The following CRELD2 variants were observed in gnomAD, a reference collection of about 807,000 sequenced individuals.
The protein encoded by CRELD2 is protein disulfide isomerase CRELD2.
Under a neutral mutation model 48.1 loss-of-function variants are expected in CRELD2, and 33 were observed. The observed-to-expected ratio is 0.69, with a 90% CI of 0.52 to 0.92. The LOEUF is 0.92. CRELD2 is among the 40% of genes least tolerant of loss of function. The pLI, the probability that CRELD2 is intolerant of heterozygous loss-of-function variation, is 0.00. For synonymous variants in CRELD2, 220 were observed against 203.9 expected (o/e 1.08, Z -0.67); for missense variants, 477 against 482.4 (o/e 0.99, Z 0.10).
intron 7 of CRELD2, 24 bp downstream of exon 7, chr22:49,923,341 A>G: frequency 6.3e-7 from 1 of 1,595,764 alleles, no homozygotes; most frequent in South Asian, 1.1e-5. Flanking sequence ...GCGGGTCTGC[A>G]CTCCGGGGCC....
At position 49,921,765 on chromosome 22, in the gene CRELD2, C is replaced by T. The variant is rs28473584; in HGVS notation, c.592+4C>T. The T allele has an allele frequency of 0.078, 125,225 of 1,603,636 alleles. 5,966 individuals carry two copies. Among genetic ancestry groups the T allele is most frequent in the South Asian group, 0.18 (16,784 of 90,784 alleles). ...GAGACCCACAGCATCTGCACAGGTA[C>T]GGGCTACGCCTGGGCTGGCCCCGGG... is the stretch of plus-strand genomic sequence containing the variant. On this transcript the variant is annotated splice_donor_region_variant and intron_variant, in intron 5 of 9. Coordinates refer to ENST00000328268, the MANE Select transcript of CRELD2 (RefSeq NM_024324.5).
Position 49,925,503 on chromosome 22 carries a change from T to C in CRELD2, c.955T>C (p.Cys319Arg). The change falls in exon 9 of 10, where the codon TGT becomes CGT. Residue 319 changes from cysteine (C) to arginine (R), a missense_variant. Coordinates refer to ENST00000328268, the MANE Select transcript of CRELD2 (RefSeq NM_024324.5). ...YNTPGSYVCV[C>R]PDGFEETEDA... Reference sequence around the variant, plus strand: ...TACTCCAGGGAGCTACGTCTGTGTGTGTCCTGACGGCTTCGAAGAAACGGA... The same window carrying C: ...TACTCCAGGGAGCTACGTCTGTGTGCGTCCTGACGGCTTCGAAGAAACGGA... 1 of 1,614,038 alleles carries C rather than the reference T, an allele frequency of 6.2e-7. No homozygotes were observed.
chr22:49,925,594 C>A (rs1392783378), intron 9 of CRELD2, 37 bp downstream of exon 9: 4 of 1,610,552 alleles, frequency 2.5e-6, no homozygotes, highest in Non-Finnish European at 3.4e-6. Context: ...AGGCTGCCCT[C>A]CCCTGGGCCG....
chr22:49,923,329 G>T lies in CRELD2; in HGVS notation c.772+12G>T. On this transcript the variant is annotated intron_variant, in intron 7 of 9. Transcript: ENST00000328268. ...CTACACGTGCGAAGGTGGGCCAGGC[G>T]GGCGGGTCTGCACTCCGGGGCCTGC... The T allele has an allele frequency of 7.0e-7, 1 of 1,425,854 alleles. No homozygotes were observed. Among genetic ancestry groups the T allele is most frequent in the South Asian group, 1.5e-5 (1 of 67,390 alleles). 88.3% of individuals were successfully genotyped at this position (1,425,854 alleles called of 1,614,324 possible).
In CRELD2 at chr22:49,925,172, G is replaced by A. The variant is rs184567550; in HGVS notation, c.869-245G>A. The A allele has an allele frequency of 1.3e-4, 46 of 348,726 alleles. 1 individual carries two copies. Among genetic ancestry groups the A allele is most frequent in the South Asian group, 1.8e-4 (3 of 16,734 alleles). The allele number at this position is 348,726 out of a possible 1,614,324, so 21.6% of individuals were successfully genotyped here. On this transcript the variant is annotated intron_variant, in intron 8 of 9. Transcript: ENST00000328268. ...GGAAAAGAAAGTGGGCTTCCTGGGCGCATGCTGGCCTTCCGGCCCCACCTG... is the reference window on the plus strand; with the variant it reads ...GGAAAAGAAAGTGGGCTTCCTGGGCACATGCTGGCCTTCCGGCCCCACCTG...
At chr22:49,924,160 T>C in intron 7 of CRELD2, 200 bp from the exon 8 acceptor site, 1 of 503,120 alleles carries the variant, frequency 2.0e-6, no homozygotes, top group Non-Finnish European at 3.6e-6. Context: ...GCACCATGGC[T>C]CTCCGGGAGC....
chr22:49,923,304 C>G lies in CRELD2; in HGVS notation c.759C>G (p.Ser253=). Residue 253 remains serine, a synonymous_variant, in exon 7 of 10, where the codon TCC becomes TCG. Coordinates refer to ENST00000328268, the MANE Select transcript of CRELD2 (RefSeq NM_024324.5). ...AGTTCTGTAAGAACGCCAACGGCTC[C>G]TACACGTGCGAAGGTGGGCCAGGCG... The part of the protein sequence containing the change: ...AAQFCKNANG[S]YTCEECDSSC... 6.2e-7 allele frequency: 1 copy of G among 1,612,122 alleles called. No individual in the cohort carries two copies. The highest frequency in any genetic ancestry group is 1.7e-5 in the Admixed American group (1 of 59,938).
chr22:49,921,669 G>A lies in CRELD2; in HGVS notation c.500G>A (p.Arg167Gln), dbSNP rs768558790. 67 of 1,612,766 alleles carry A rather than the reference G, an allele frequency of 4.2e-5. No homozygotes were observed. Among genetic ancestry groups the A allele is most frequent in the Middle Eastern group, 3.3e-4 (2 of 6,082 alleles). The part of the protein sequence containing the change: ...DGSRQGDGSC[R>Q]CHMGYQGPLC... ...AGCAGACAGGGCGACGGGTCCTGCC[G>A]GTGCCACATGGGGTACCAGGGCCCG... Residue 167 changes from arginine (R) to glutamine (Q), a missense_variant, in exon 5 of 10, where the codon CGG becomes CAG. By Grantham distance (43) the Arg-to-Gln change is conservative. Coordinates refer to ENST00000328268, the MANE Select transcript of CRELD2 (RefSeq NM_024324.5).
intron 3 of CRELD2, 128 bp from the exon 4 acceptor site, chr22:49,920,028 C>A (rs1278492783): frequency 4.7e-5 from 36 of 763,554 alleles, no homozygotes; most frequent in Admixed American, 2.8e-4. Context: ...GGAGAAGATT[C>A]TGTCCACACC....
At chr22:49,922,306 G>A (rs1569184995) in intron 5 of CRELD2, 1 of 1,238,216 alleles carries the variant, frequency 8.1e-7, no homozygotes, top group Non-Finnish European at 1.1e-6. Flanking sequence ...GTCAGGACCG[G>A]CCTCTCCGAT....
At chr22:49,923,417 C>G in intron 7 of CRELD2, 100 bp downstream of exon 7, 1 of 869,830 alleles carries the variant, frequency 1.1e-6, no homozygotes, top group East Asian at 2.6e-5. Context: ...TTCCATACAT[C>G]CTGCCTGCCC....
At chr22:49,922,507 C>T (rs1425208568) in intron 5 of CRELD2, 105 bp from the exon 6 acceptor site, 11 of 1,498,398 alleles carry the variant, frequency 7.3e-6, no homozygotes, top group Middle Eastern at 1.7e-4. Context: ...CACTGAAAAT[C>T]CCGTGTTGCT....
intron 5 of CRELD2, 130 bp from the exon 6 acceptor site, chr22:49,922,482 T>C (rs1275702280): frequency 1.9e-6 from 3 of 1,543,604 alleles, no homozygotes; most frequent in Non-Finnish European, 2.6e-6. Flanking sequence ...TTGCTGAGAA[T>C]TTTAAATTCA....
At chr22:49,922,812 GGGGGGCGTGAAGTGT>G (rs2060708902) in intron 6 of CRELD2, 105 bp downstream of exon 6, 4 of 115,540 alleles carry the variant, frequency 3.5e-5, no homozygotes, top group Non-Finnish European at 5.1e-5. Context: ...GCGGGAGGCA[GGGGGGCGTGAAGTGT>G]GGGGGCGTGA....
intron 4 of CRELD2, among the ~76,000 whole-genome samples, chr22:49,921,028 C>T (rs553800768): frequency 2.6e-5 from 4 of 152,334 alleles, no homozygotes; most frequent in East Asian, 1.9e-4. Context: ...CGTCATTAGG[C>T]GACTTTGTCA....
rs764207298 is a variant in CRELD2, at chr22:49,919,832, G to A, written c.315G>A (p.Trp105Ter). 2 of 1,603,536 alleles carry A rather than the reference G, an allele frequency of 1.2e-6. No individual in the cohort carries two copies. The highest frequency in any genetic ancestry group is 2.2e-5 in the South Asian group (2 of 89,940). ...AGGAGGAGCACCTGGAGGCCTGGTG[G>A]CTGCAGCTGTGAGTGCCTTAAAACC... ...EAQEEHLEAW[W>*]LQLKSEYPDL... The change falls in exon 3 of 10, where the codon TGG (tryptophan) becomes TGA (stop). Residue 105 changes from tryptophan to a stop codon, truncating the protein, a stop_gained. Coordinates refer to ENST00000328268, the MANE Select transcript of CRELD2 (RefSeq NM_024324.5). LOFTEE classifies it high-confidence loss of function.
intron 5 of CRELD2, 46 bp downstream of exon 5, chr22:49,921,807 A>G: frequency 6.4e-7 from 1 of 1,567,226 alleles, no homozygotes. Context: ...GCGGGATGAC[A>G]AGAGCCCCTT....
chr22:49,920,071 C>T, intron 3 of CRELD2, 85 bp from the exon 4 acceptor site: 1 of 922,354 alleles, frequency 1.1e-6, no homozygotes, highest in Non-Finnish European at 1.8e-6. Flanking sequence ...TACAATACTC[C>T]AGAGCATATG....
At chr22:49,923,789 AACTTTTCACATTCCTT>A (rs1226464147) in intron 7 of CRELD2, 2 of 269,308 alleles carry the variant, frequency 7.4e-6, no homozygotes, top group Non-Finnish European at 1.4e-5. Flanking sequence ...CTTGAAGGTA[AACTTTTCACATTCCTT>A]ATGATTTTCT....
Sources: allele counts gnomAD v4.1 joint callset (sites outside exome capture counted in the v4.1 genomes callset), GRCh38; gene constraint gnomAD v4.1.1; transcripts MANE v1.5; gene names NCBI Gene and HGNC (gene_info 2026-07-23, HGNC 2026-07-21).